The following ANGEL2 variants were observed in gnomAD, a reference collection of about 807,000 sequenced individuals.
The protein encoded by ANGEL2 is angel homolog 2.
A neutral mutation model predicts 66.0 loss-of-function variants in ANGEL2; 41 were observed. That is an observed-to-expected ratio of 0.62 (90% CI 0.48 to 0.81). ANGEL2 has a LOEUF of 0.81. ANGEL2 is among the 30% of genes least tolerant of loss of function. The pLI is 0.00. For missense variants in ANGEL2, 561 were observed against 641.6 expected (o/e 0.87, Z 1.36); for synonymous variants, 208 against 226.5 (o/e 0.92, Z 0.73).
chr1:213,007,099 GAA>G (rs202124670), intron 4 of ANGEL2, 28 bp downstream of exon 4: 20,653 of 1,375,442 alleles, frequency 0.015, no homozygotes, highest in Admixed American at 0.03. Flanking sequence ...TCTCAAAAAA[GAA>G]AAAAAAAAAA....
At position 212,997,163 on chromosome 1, in the gene ANGEL2, C is replaced by G. The variant is rs141531521; in HGVS notation, c.1475G>C (p.Gly492Ala). 6.2e-7 allele frequency: 1 copy of G among 1,611,794 alleles called. No individual in the cohort carries two copies. Among genetic ancestry groups the G allele is most frequent in the African/African-American group, 1.3e-5 (1 of 74,872 alleles). Reference protein sequence around the residue: ...FYSAEKEDVAGHPGAEVALVG... With the variant: ...FYSAEKEDVAAHPGAEVALVG... Reference sequence around the variant, plus strand: ...TTACATGCATTCCTTACCTGGGTGCCCAGCAACATCTTCCTTTTCTGCAGA... The same window carrying G: ...TTACATGCATTCCTTACCTGGGTGCGCAGCAACATCTTCCTTTTCTGCAGA... The change falls in exon 8 of 9, where the codon GGG becomes GCG. Residue 492 changes from glycine to alanine, a missense_variant. Physicochemically the swap from Gly to Ala is moderately conservative, Grantham distance 60 (BLOSUM62 0). Transcript: ENST00000366962.
intron 7 of ANGEL2, 46 bp downstream of exon 7, chr1:213,000,280 T>C: frequency 2.0e-6 from 3 of 1,523,776 alleles, no homozygotes; most frequent in South Asian, 1.2e-5. Flanking sequence ...GAGTTTTTTA[T>C]TCAACTAAAG....
At chr1:213,009,995 G>A (rs1434554613) in intron 2 of ANGEL2, among the ~76,000 whole-genome samples, 2 of 149,534 alleles carry the variant, frequency 1.3e-5, no homozygotes, top group South Asian at 2.1e-4. Context: ...AGGTTGCAGT[G>A]AGCCGAGATC....
At chr1:213,002,735 T>A (rs902749905) in intron 5 of ANGEL2, among the ~76,000 whole-genome samples, 1 of 151,788 alleles carries the variant, frequency 6.6e-6, no homozygotes, top group African/African-American at 2.4e-5. Context: ...CTGGGCAACA[T>A]GGTGAAACGC....
At chr1:213,015,533 C>CCGG in intron 1 of ANGEL2, 80 bp downstream of exon 1, 1 of 1,533,122 alleles carries the variant, frequency 6.5e-7, no homozygotes, top group Non-Finnish European at 8.8e-7. Flanking sequence ...CGCCCCGCCC[C>CCGG]GGGTTAGTCC....
chr1:213,011,099 A>C, intron 2 of ANGEL2: 1 of 1,122,706 alleles, frequency 8.9e-7, no homozygotes, highest in Non-Finnish European at 1.2e-6. Flanking sequence ...AAATGTGTTC[A>C]AATATGAGGG....
intron 2 of ANGEL2, 66 bp downstream of exon 2, chr1:213,013,027 T>C (rs1467380061): frequency 4.0e-6 from 6 of 1,488,672 alleles, no homozygotes; most frequent in Non-Finnish European, 5.5e-6. Flanking sequence ...AAGGATTAGA[T>C]ATGAAAGTTT....
intron 8 of ANGEL2, among the ~76,000 whole-genome samples, chr1:212,996,546 C>T (rs2076012695): frequency 1.4e-5 from 2 of 144,438 alleles, no homozygotes; most frequent in African/African-American, 5.2e-5. Context: ...CACTTGAACC[C>T]GGGAGACAGA....
At chr1:212,999,422 T>C (rs1417845037) in intron 7 of ANGEL2, among the ~76,000 whole-genome samples, 2 of 152,240 alleles carry the variant, frequency 1.3e-5, no homozygotes, top group South Asian at 2.1e-4. Flanking sequence ...AAGTTTTTAC[T>C]ATATTGAAAG....
chr1:213,001,478 T>C (rs1188736043), intron 5 of ANGEL2: 1 of 152,622 alleles, frequency 6.6e-6, no homozygotes, highest in Non-Finnish European at 1.5e-5. Context: ...ATCATCTTTT[T>C]ACAGGTGGAG....
Position 212,995,175 on chromosome 1 carries a change from C to T in ANGEL2, c.1501G>A (p.Val501Ile), listed in dbSNP as rs567418545. The T allele has an allele frequency of 3.9e-5, 62 of 1,604,908 alleles. 2 individuals are homozygous for T. In the South Asian group the frequency reaches 6.1e-4, roughly 16 times the overall value. The change falls in exon 9 of 9, where the codon GTT becomes ATT. Residue 501 changes from valine (V) to isoleucine (I), a missense_variant. Physicochemically the swap from Val to Ile is conservative, Grantham distance 29. Coordinates refer to ENST00000366962, the MANE Select transcript of ANGEL2 (RefSeq NM_144567.5). ...CTAGCTAGAAGTTTCAAGCCACCAA[C>T]CAAAGCAACTTCAGCTCCTACATTA... ...AGHPGAEVALVGGLKLLARLS... is the reference protein window; with the variant it reads ...AGHPGAEVALIGGLKLLARLS...
chr1:213,004,968 T>G (rs766633395), intron 5 of ANGEL2, 65 bp downstream of exon 5: 1 of 1,293,260 alleles, frequency 7.7e-7, no homozygotes, highest in Non-Finnish European at 1.0e-6. Flanking sequence ...GTAATGACTA[T>G]CTTCACATTA....
At chr1:212,995,966 T>C (rs910942904) in intron 8 of ANGEL2, among the ~76,000 whole-genome samples, 3 of 152,228 alleles carry the variant, frequency 2.0e-5, no homozygotes, top group African/African-American at 7.2e-5. Context: ...TCCAGTAATC[T>C]TAAACTGCAT....
At chr1:213,006,739 G>C (rs1442288389) in intron 4 of ANGEL2, 1 of 174,242 alleles carries the variant, frequency 5.7e-6, no homozygotes, top group Admixed American at 6.2e-5. Context: ...CTTTCTGTTT[G>C]AATTAAAATT....
At chr1:213,000,717 C>G in intron 6 of ANGEL2, 69 bp downstream of exon 6, 1 of 1,498,434 alleles carries the variant, frequency 6.7e-7, no homozygotes. Flanking sequence ...TTTTTAAAAA[C>G]TTAGTTTTAT....
At chr1:212,996,171 G>T (rs528109962) in intron 8 of ANGEL2, among the ~76,000 whole-genome samples, 1 of 152,264 alleles carries the variant, frequency 6.6e-6, no homozygotes, top group South Asian at 2.1e-4. Flanking sequence ...GCCGGGCATG[G>T]TGGCGGGCGC....
chr1:212,996,292 C>A (rs575532591), intron 8 of ANGEL2, among the ~76,000 whole-genome samples: 2 of 151,442 alleles, frequency 1.3e-5, no homozygotes, highest in Non-Finnish European at 2.9e-5. Flanking sequence ...GGGCGACGAG[C>A]GAGACTCCGT....
At chr1:213,003,519 C>T (rs148394447) in intron 5 of ANGEL2, among the ~76,000 whole-genome samples, 3 of 152,274 alleles carry the variant, frequency 2.0e-5, no homozygotes, top group East Asian at 1.9e-4. Flanking sequence ...GGTTGTGCTT[C>T]AGGGAATATA....
At chr1:213,007,058 C>A (rs780657510) in intron 4 of ANGEL2, 71 bp downstream of exon 4, 14 of 1,402,982 alleles carry the variant, frequency 1.0e-5, no homozygotes, top group Non-Finnish European at 1.4e-5. Context: ...TGTGCCACTG[C>A]ACTCCAGTTG....
Sources: gnomAD v4.1 joint callset for allele counts (sites outside exome capture counted in the v4.1 genomes callset) on GRCh38, gnomAD v4.1.1 for gene constraint, MANE v1.5 for transcripts, NCBI Gene and HGNC (gene_info 2026-07-23, HGNC 2026-07-21) for gene names.